The following SEL1L3 variants were observed in gnomAD, a reference collection of about 807,000 sequenced individuals.
SEL1L3 encodes SEL1L family member 3.
In SEL1L3, 76 loss-of-function variants were observed where a neutral mutation model predicts 142.8. The observed-to-expected ratio is 0.53, with a 90% confidence interval of 0.44 to 0.64. SEL1L3 has a LOEUF of 0.64. SEL1L3 is among the 30% of genes least tolerant of loss of function. The pLI is 0.00. For synonymous variants in SEL1L3, 504 were observed against 519.6 expected (o/e 0.97, Z 0.41); for missense variants, 1,262 against 1,381.7 (o/e 0.91, Z 1.37).
At chr4:25,795,687 C>T (rs1325909504) in intron 11 of SEL1L3, among the ~76,000 whole-genome samples, 1 of 152,176 alleles carries the variant, frequency 6.6e-6, no homozygotes, top group African/African-American at 2.4e-5. Context: ...CTGGAGCCAC[C>T]ACACGCTGCC....
chr4:25,799,354 G>A (rs751730471), intron 11 of SEL1L3, among the ~76,000 whole-genome samples: 60 of 152,126 alleles, frequency 3.9e-4, no homozygotes, highest in Admixed American at 1.2e-3. Flanking sequence ...GTATTACCGG[G>A]GTGACCTACC....
chr4:25,851,958 G>A (rs938078459), intron 1 of SEL1L3, among the ~76,000 whole-genome samples: 21 of 150,688 alleles, frequency 1.4e-4, no homozygotes, highest in African/African-American at 4.7e-4. Flanking sequence ...AATAGGAGAA[G>A]AGCTGGTGAT....
intron 23 of SEL1L3, chr4:25,756,946 G>A: frequency 1.6e-6 from 2 of 1,269,868 alleles, no homozygotes; most frequent in Non-Finnish European, 2.0e-6. Flanking sequence ...ATTGTATTAG[G>A]TCAGTTTCTT....
intron 5 of SEL1L3, among the ~76,000 whole-genome samples, chr4:25,831,505 A>AT (rs1178795108): frequency 1.0e-3 from 98 of 93,662 alleles, no homozygotes; most frequent in South Asian, 3.1e-3. Context: ...AATAATAATA[A>AT]TAATAATTAT....
At position 25,833,530 on chromosome 4, in the gene SEL1L3, G is replaced by A; in HGVS notation, c.900C>T (p.Cys300=). The change falls in exon 4 of 24, where the codon TGC becomes TGT. Residue 300 remains cysteine (C), a synonymous_variant. Transcript: ENST00000399878. ...VSLWLYLLHY[C]KANLCGILYF... ...ACAGAATCCCACAGAGGTTGGCCTT[G>A]CAATAATGGAGTAAATAAAGCCACA... is the stretch of plus-strand genomic sequence containing the variant. 1 of 1,612,840 alleles carries A rather than the reference G, an allele frequency of 6.2e-7. No homozygotes were observed. Among genetic ancestry groups the A allele is most frequent in the Non-Finnish European group, 8.5e-7 (1 of 1,179,228 alleles).
At chr4:25,789,034 T>C (rs980505447) in intron 12 of SEL1L3, among the ~76,000 whole-genome samples, 1 of 151,816 alleles carries the variant, frequency 6.6e-6, no homozygotes, top group Non-Finnish European at 1.5e-5. Flanking sequence ...TCTGGCAGAG[T>C]CATTCCCAGA....
chr4:25,742,619 C>G (rs1717152894), downstream of SEL1L3, among the ~76,000 whole-genome samples: 1 of 152,150 alleles, frequency 6.6e-6, no homozygotes, highest in Non-Finnish European at 1.5e-5. Context: ...TTTAAATTTC[C>G]TTGATAAACA....
At chr4:25,851,316 T>C (rs1716877320) in intron 1 of SEL1L3, among the ~76,000 whole-genome samples, 1 of 152,182 alleles carries the variant, frequency 6.6e-6, no homozygotes, top group African/African-American at 2.4e-5. Flanking sequence ...TGAAACCCAG[T>C]ACCCACTGGC....
chr4:25,837,797 G>T (rs1715933124), intron 2 of SEL1L3, among the ~76,000 whole-genome samples: 1 of 152,022 alleles, frequency 6.6e-6, no homozygotes, highest in African/African-American at 2.4e-5. Context: ...TATTTATCAG[G>T]ATAACATATA....
chr4:25,746,399 G>A (rs1381804499), downstream of SEL1L3, among the ~76,000 whole-genome samples: 1 of 150,750 alleles, frequency 6.6e-6, no homozygotes, highest in African/African-American at 2.4e-5. Context: ...CATGCTTGTA[G>A]TCCCTGCTAC....
intron 9 of SEL1L3, among the ~76,000 whole-genome samples, chr4:25,809,880 ACT>A (rs1357065917): frequency 6.6e-6 from 1 of 152,138 alleles, no homozygotes; most frequent in African/African-American, 2.4e-5. Context: ...TAACATCTCC[ACT>A]CTCTGCGTTT....
chr4:25,776,924 T>G (rs1014828404), intron 16 of SEL1L3, among the ~76,000 whole-genome samples: 2 of 149,414 alleles, frequency 1.3e-5, no homozygotes, highest in African/African-American at 4.9e-5. Context: ...ATGTGACAAA[T>G]AGAAAATAAA....
chr4:25,856,593 T>TAAAAAAAAAAAAAAAAAAAAAAAAAAA (rs397765802), intron 1 of SEL1L3, among the ~76,000 whole-genome samples: 1 of 117,120 alleles, frequency 8.5e-6, no homozygotes. Context: ...GTATTGTAAT[T>TAAAAAAAAAAAAAAAAAAAAAAAAAAA]AAAAAAAAAA....
chr4:25,847,138 T>C (rs1307224793), intron 2 of SEL1L3, among the ~76,000 whole-genome samples, 156 bp downstream of exon 2: 1 of 152,152 alleles, frequency 6.6e-6, no homozygotes, highest in Non-Finnish European at 1.5e-5. Context: ...ATTTTTCTCC[T>C]TTTGTCTTCA....
intron 20 of SEL1L3, among the ~76,000 whole-genome samples, chr4:25,761,458 C>T (rs1026911401): frequency 6.6e-6 from 1 of 151,956 alleles, no homozygotes; most frequent in Non-Finnish European, 1.5e-5. Context: ...GCCCAGCCAG[C>T]TTTATGAAAT....
intron 8 of SEL1L3, 107 bp downstream of exon 8, chr4:25,819,701 G>A: frequency 9.2e-7 from 1 of 1,090,676 alleles, no homozygotes; most frequent in East Asian, 2.7e-5. Context: ...TCTGGTATCT[G>A]AGCCAAGTCA....
intron 17 of SEL1L3, among the ~76,000 whole-genome samples, chr4:25,771,358 G>A (rs1451059573): frequency 6.6e-6 from 1 of 152,188 alleles, no homozygotes; most frequent in Non-Finnish European, 1.5e-5. Context: ...TGAGAGAAAA[G>A]AAAGAATTTA....
At chr4:25,789,788 C>A (rs6819036) in intron 12 of SEL1L3, among the ~76,000 whole-genome samples, 30,758 of 151,956 alleles carry the variant, frequency 0.2, 3,230 homozygotes, top group Middle Eastern at 0.27. Context: ...CTGGTGCAAT[C>A]AGCCTTCACA....
intron 8 of SEL1L3, among the ~76,000 whole-genome samples, chr4:25,818,968 C>T (rs1190523193): frequency 2.0e-5 from 3 of 152,190 alleles, no homozygotes; most frequent in Non-Finnish European, 2.9e-5. Flanking sequence ...GCATCCCTCC[C>T]TCCACGACCT....
Sources: gnomAD v4.1 joint callset for allele counts (sites outside exome capture counted in the v4.1 genomes callset) on GRCh38, gnomAD v4.1.1 for gene constraint, MANE v1.5 for transcripts, NCBI Gene and HGNC (gene_info 2026-07-23, HGNC 2026-07-21) for gene names.